The following TMEM131 variants were observed in gnomAD, a reference collection of about 807,000 sequenced individuals.
The protein encoded by TMEM131 is transmembrane protein 131, also known as 2610524E03Rik.
TMEM131 carries 66 observed loss-of-function variants against 211.6 expected under a neutral mutation model. That is an observed-to-expected ratio of 0.31 (90% CI 0.26 to 0.38). The LOEUF (loss-of-function observed/expected upper bound fraction) is 0.38, where lower values mean the gene tolerates loss of function less well. Among genes scored for constraint, TMEM131 ranks in the 10% least tolerant of loss-of-function variants. The pLI is 1.00. For missense variants in TMEM131, 2,036 were observed against 2,299.3 expected (o/e 0.89, Z 2.34); for synonymous variants, 844 against 841.3 (o/e 1.00, Z -0.06).
intron 4 of TMEM131, among the ~76,000 whole-genome samples, chr2:97,861,791 C>T (rs1187279268): frequency 1.3e-5 from 2 of 152,140 alleles, no homozygotes; most frequent in Non-Finnish European, 2.9e-5. Context: ...CACCTGGGAC[C>T]TGGGGGAACT....
chr2:97,885,877 T>C (rs1163249361), intron 4 of TMEM131, among the ~76,000 whole-genome samples: 1 of 152,208 alleles, frequency 6.6e-6, no homozygotes, highest in African/African-American at 2.4e-5. Context: ...TCTAAGCCTT[T>C]CTCCTTTCTC....
intron 2 of TMEM131, among the ~76,000 whole-genome samples, chr2:97,923,018 G>T (rs1474315561): frequency 6.6e-6 from 1 of 152,252 alleles, no homozygotes; most frequent in Non-Finnish European, 1.5e-5. Flanking sequence ...GCCAGGCACA[G>T]TGGCTCACAC....
intron 31 of TMEM131, among the ~76,000 whole-genome samples, chr2:97,776,937 T>TTACATGAGTTACA (rs1383548162): frequency 6.6e-6 from 1 of 152,174 alleles, no homozygotes; most frequent in Non-Finnish European, 1.5e-5. Flanking sequence ...GGTGCATGAG[T>TTACATGAGTTACA]ACTATGTAAT....
chr2:97,980,133 C>T (rs555231351), intron 1 of TMEM131, among the ~76,000 whole-genome samples: 1 of 152,058 alleles, frequency 6.6e-6, no homozygotes, highest in Admixed American at 6.6e-5. Context: ...GTGGGCATCC[C>T]AAAACAATTA....
chr2:97,827,407 G>A (rs1214648198), intron 11 of TMEM131: 1 of 1,027,454 alleles, frequency 9.7e-7, no homozygotes, highest in African/African-American at 1.6e-5. Flanking sequence ...GCAAACAAAA[G>A]GGAAAAGGGG....
chr2:97,916,707 CCT>C (rs1228452172), intron 2 of TMEM131, among the ~76,000 whole-genome samples: 3 of 152,152 alleles, frequency 2.0e-5, no homozygotes, highest in African/African-American at 2.4e-5. Context: ...GGTAATGACC[CCT>C]GTTATTGCAG....
chr2:97,964,562 A>C (rs763594273), intron 1 of TMEM131, among the ~76,000 whole-genome samples: 2 of 152,232 alleles, frequency 1.3e-5, no homozygotes, highest in Admixed American at 6.5e-5. Flanking sequence ...TGTTAAACAC[A>C]CATTTGAAAT....
chr2:97,798,769 GTT>G, intron 25 of TMEM131, among the ~76,000 whole-genome samples: 1 of 152,334 alleles, frequency 6.6e-6, no homozygotes, highest in East Asian at 1.9e-4. Context: ...TTGTTCAAGT[GTT>G]AACTGCTATT....
Position 97,879,959 on chromosome 2 carries a change from C to G in TMEM131, c.359+8093G>C, listed in dbSNP as rs574076260. ...CTAACCTGCCATGTTGTTAAAGGAT[C>G]AACTGTATGGCAGTGTGTGCTCAAG... On this transcript the variant is annotated intron_variant, in intron 4 of 40. Transcript: ENST00000186436. Among the ~76,000 whole-genome samples the G allele has an allele frequency of 9.3e-4, 141 of 152,208 alleles. No homozygotes were observed. In the South Asian group the frequency reaches 0.011, roughly 12 times the overall value.
At chr2:97,969,086 CA>C (rs397698283) in intron 1 of TMEM131, among the ~76,000 whole-genome samples, 41 of 140,872 alleles carry the variant, frequency 2.9e-4, no homozygotes, top group South Asian at 4.8e-4. Context: ...GACTCTGTTT[CA>C]AAAAAAAAAA....
At position 97,884,618 on chromosome 2, in the gene TMEM131, A is replaced by G. The variant is rs553827269; in HGVS notation, c.359+3434T>C. 3.3e-5 allele frequency among the ~76,000 whole-genome samples: 5 copies of G among 152,286 alleles called. No homozygotes were observed. In the South Asian group the frequency reaches 8.3e-4, roughly 25 times the overall value. ...GGGTGCTCTAGTGCTAGGTGCATATATATTTCCAACTGTTATATTTTCTTG... is the reference window on the plus strand; with the variant it reads ...GGGTGCTCTAGTGCTAGGTGCATATGTATTTCCAACTGTTATATTTTCTTG... On this transcript the variant is annotated intron_variant, in intron 4 of 40. Coordinates refer to ENST00000186436, the MANE Select transcript of TMEM131 (RefSeq NM_015348.2).
intron 22 of TMEM131, among the ~76,000 whole-genome samples, chr2:97,804,138 T>C (rs1681169395): frequency 6.6e-6 from 1 of 152,248 alleles, no homozygotes; most frequent in Non-Finnish European, 1.5e-5. Context: ...ATTAGCAGCT[T>C]GAGAAGAGCA....
intron 10 of TMEM131, 135 bp downstream of exon 10, chr2:97,834,486 G>T (rs1682849297): frequency 2.7e-6 from 2 of 736,578 alleles, no homozygotes; most frequent in South Asian, 2.3e-5. Flanking sequence ...CTGAAAAGGA[G>T]ATTTGTACAA....
chr2:97,881,052 C>T (rs1003257829), intron 4 of TMEM131, among the ~76,000 whole-genome samples: 17 of 152,108 alleles, frequency 1.1e-4, no homozygotes, highest in Non-Finnish European at 1.8e-4. Context: ...TTTAGCAGTT[C>T]GACAACATTA....
At chr2:97,762,904 A>C (rs878961079) in intron 35 of TMEM131, 2 of 152,240 alleles carry the variant, frequency 1.3e-5, no homozygotes, top group Admixed American at 1.3e-4. Context: ...CTACTCAGTA[A>C]ACGGAAATAT....
At chr2:97,861,861 T>C (rs1004756781) in intron 4 of TMEM131, among the ~76,000 whole-genome samples, 1 of 151,808 alleles carries the variant, frequency 6.6e-6, no homozygotes, top group Non-Finnish European at 1.5e-5. Context: ...GATTTTAGAG[T>C]CCTAGGGCCT....
intron 1 of TMEM131, among the ~76,000 whole-genome samples, chr2:97,943,075 AAG>A (rs1677866006): frequency 7.0e-6 from 1 of 143,710 alleles, no homozygotes; most frequent in African/African-American, 2.5e-5. Context: ...GAAAGAAAGA[AAG>A]AAAGAAAGAA....
intron 1 of TMEM131, among the ~76,000 whole-genome samples, chr2:97,954,162 CAA>C (rs1046438386): frequency 2.4e-4 from 36 of 152,078 alleles, no homozygotes; most frequent in African/African-American, 8.2e-4. Flanking sequence ...ATTATAAAAA[CAA>C]GAGCAGAAAC....
At chr2:97,863,016 A>G (rs1289524690) in intron 4 of TMEM131, among the ~76,000 whole-genome samples, 2 of 152,164 alleles carry the variant, frequency 1.3e-5, no homozygotes, top group African/African-American at 4.8e-5. Context: ...GGTACAATGG[A>G]GCTCCAATAC....
Sources: allele counts gnomAD v4.1 joint callset (sites outside exome capture counted in the v4.1 genomes callset), GRCh38; gene constraint gnomAD v4.1.1; transcripts MANE v1.5; gene names NCBI Gene and HGNC (gene_info 2026-07-23, HGNC 2026-07-21).